Variants in MUC22 observed in about 807,000 individuals in gnomAD.
MUC22 encodes mucin 22.
A neutral mutation model predicts 40.3 loss-of-function variants in MUC22; 24 were observed. That is an observed-to-expected ratio of 0.60 (90% CI 0.43 to 0.84). The LOEUF (loss-of-function observed/expected upper bound fraction) is 0.84. MUC22 is among the 40% of genes least tolerant of loss of function. MUC22 has a pLI of 0.00. For synonymous variants in MUC22, 765 were observed against 844.5 expected, an observed-to-expected ratio of 0.91 and a Z score of 1.63; for missense variants, 1,926 against 2,130.7, an observed-to-expected ratio of 0.90 and a Z score of 1.89.
chr6:31,014,105 T>C (rs962484855), intron 1 of MUC22, among the ~76,000 whole-genome samples: 2 of 152,200 alleles, frequency 1.3e-5, no homozygotes, highest in African/African-American at 4.8e-5. Flanking sequence ...AATTGCATTG[T>C]GATGACATTA....
chr6:31,021,698 C>A (rs1395103129), intron 1 of MUC22, among the ~76,000 whole-genome samples: 1 of 152,026 alleles, frequency 6.6e-6, no homozygotes, highest in Non-Finnish European at 1.5e-5. Context: ...ACGTGGAGAA[C>A]CTTTGTATGT....
At chr6:31,006,903 C>T (rs1320467081), upstream of MUC22, among the ~76,000 whole-genome samples, 2 of 152,002 alleles carry the variant, frequency 1.3e-5, no homozygotes, top group African/African-American at 4.8e-5. Context: ...AATCCCAGCA[C>T]TTGGGGAGGC....
chr6:31,008,239 C>T (rs1763636643), upstream of MUC22, among the ~76,000 whole-genome samples: 3 of 152,210 alleles, frequency 2.0e-5, no homozygotes, highest in Non-Finnish European at 2.9e-5. Context: ...CTTGACTTCT[C>T]CATGGTTTAG....
At chr6:31,021,905 G>A (rs1034228532) in intron 1 of MUC22, among the ~76,000 whole-genome samples, 1 of 152,014 alleles carries the variant, frequency 6.6e-6, no homozygotes, top group East Asian at 1.9e-4. Flanking sequence ...TTTTGCTACT[G>A]CTCACTTTTT....
At chr6:31,013,955 A>G (rs1247403954) in intron 1 of MUC22, among the ~76,000 whole-genome samples, 1 of 152,166 alleles carries the variant, frequency 6.6e-6, no homozygotes. Context: ...CACTCCCCCT[A>G]CACACTTACT....
chr6:31,006,356 T>C (rs1254965131), upstream of MUC22, among the ~76,000 whole-genome samples: 1 of 152,072 alleles, frequency 6.6e-6, no homozygotes, highest in Non-Finnish European at 1.5e-5. Flanking sequence ...TTACAGACCA[T>C]ATGACATCCC....
intron 1 of MUC22, among the ~76,000 whole-genome samples, chr6:31,022,089 G>A (rs759567025): frequency 3.3e-5 from 5 of 152,002 alleles, no homozygotes; most frequent in Non-Finnish European, 7.4e-5. Flanking sequence ...GAGCCAGCGA[G>A]AGCACAAACC....
intron 1 of MUC22, among the ~76,000 whole-genome samples, chr6:31,023,166 TA>T (rs200740913): frequency 0.019 from 1,892 of 102,064 alleles, 15 homozygotes; most frequent in Middle Eastern, 0.08. Context: ...CTGGGTTAAT[TA>T]AAAAAAAAAA....
intron 1 of MUC22, among the ~76,000 whole-genome samples, chr6:31,013,165 C>T (rs145926068): frequency 0.01 from 1,416 of 141,530 alleles, 27 homozygotes; most frequent in Admixed American, 0.014. Context: ...GTGGCTCTGT[C>T]GCCCAGGCTA....
At position 31,028,010 on chromosome 6, in the gene MUC22, C is replaced by T. The variant is rs1765595012; in HGVS notation, c.2579C>T (p.Thr860Ile). 2 of 1,533,186 alleles carry T rather than the reference C, an allele frequency of 1.3e-6. No homozygotes were observed. Among genetic ancestry groups the T allele is most frequent in the South Asian group, 1.2e-5 (1 of 83,628 alleles). The allele number at this position is 1,533,186 out of a possible 1,614,324, so 95.0% of individuals were successfully genotyped here. ...GATTCTGAGAACACCACAGCATCTA[C>T]TGCAGATTCTGAGACCACCTCAGCC... Residue 860 changes from threonine (T) to isoleucine (I), a missense_variant, in exon 2 of 4, where the codon ACT becomes ATT. Transcript: ENST00000561890.
exon 4 of MUC22, chr6:31,034,692 G>T: frequency 6.5e-7 from 1 of 1,534,690 alleles, no homozygotes; most frequent in South Asian, 1.2e-5. Flanking sequence ...TCTTCCCCCT[G>T]AGATATTGTG....
At chr6:31,027,154 G>T (rs1441880655) in exon 2 of MUC22, 3 of 1,483,248 alleles carry the variant, frequency 2.0e-6, no homozygotes, top group Non-Finnish European at 2.7e-6. Flanking sequence ...AAGCTCTGAG[G>T]TGACCACAGT....
intron 1 of MUC22, among the ~76,000 whole-genome samples, chr6:31,017,883 A>G (rs1210493562): frequency 2.0e-5 from 3 of 151,778 alleles, no homozygotes; most frequent in Non-Finnish European, 4.4e-5. Flanking sequence ...TTGTTCTTTC[A>G]CTCTTTGTGA....
At chr6:31,013,071 G>A (rs9262464) in intron 1 of MUC22, among the ~76,000 whole-genome samples, 21,860 of 150,016 alleles carry the variant, frequency 0.15, 1,785 homozygotes, top group African/African-American at 0.19. Flanking sequence ...CCATCCTAAC[G>A]TCCCCGCATC....
At chr6:31,006,410 C>T (rs1042367559), upstream of MUC22, among the ~76,000 whole-genome samples, 4 of 152,104 alleles carry the variant, frequency 2.6e-5, no homozygotes, top group African/African-American at 9.7e-5. Context: ...CAATGGTTGC[C>T]AGGGGTTACG....
chr6:31,023,565 C>A (rs116354968), intron 1 of MUC22, among the ~76,000 whole-genome samples: 2 of 151,990 alleles, frequency 1.3e-5, no homozygotes, highest in Non-Finnish European at 2.9e-5. Context: ...TCAGACCCAA[C>A]GTATTTATAA....
intron 1 of MUC22, among the ~76,000 whole-genome samples, chr6:31,016,591 C>A (rs1035628629): frequency 1.3e-5 from 2 of 152,230 alleles, no homozygotes; most frequent in Non-Finnish European, 2.9e-5. Context: ...TAAGCATTTC[C>A]TTAATTGCAT....
At chr6:31,026,492 C>A in exon 2 of MUC22, 1 of 1,506,932 alleles carries the variant, frequency 6.6e-7, no homozygotes, top group Non-Finnish European at 8.9e-7. Flanking sequence ...ACTGCAGGCT[C>A]TGAGACCACT....
At chr6:31,030,207 C>A in intron 2 of MUC22, 107 bp downstream of exon 2, 1 of 1,266,542 alleles carries the variant, frequency 7.9e-7, no homozygotes, top group Non-Finnish European at 1.1e-6. Flanking sequence ...GTCAAGCCAG[C>A]ACACAGTTAG....
Sources: allele counts gnomAD v4.1 joint callset (sites outside exome capture counted in the v4.1 genomes callset), GRCh38; gene constraint gnomAD v4.1.1; transcripts MANE v1.5; gene names NCBI Gene and HGNC (gene_info 2026-07-23, HGNC 2026-07-21).